Variants in MYEF2 observed in about 807,000 individuals in gnomAD.
The protein encoded by MYEF2 is myelin expression factor 2.
In MYEF2, 37 loss-of-function variants were observed where a neutral mutation model predicts 75.2. The ratio of observed to expected loss-of-function variants is 0.49; its 90% CI spans 0.38 to 0.65. The LOEUF is 0.65. Ranked by LOEUF, MYEF2 falls within the 30% of genes least tolerant of loss-of-function variation. The pLI is 0.00. For missense variants in MYEF2, 634 were observed against 771.4 expected (o/e 0.82, Z 2.11); for synonymous variants, 195 against 241.6 (o/e 0.81, Z 1.79).
chr15:48,164,464 T>C (rs1315183873), intron 5 of MYEF2, among the ~76,000 whole-genome samples: 2 of 152,336 alleles, frequency 1.3e-5, no homozygotes, highest in East Asian at 1.9e-4. Context: ...GAATATGCTA[T>C]GTACACTGTT....
chr15:48,165,299 T>C (rs1567267794), intron 5 of MYEF2, among the ~76,000 whole-genome samples: 1 of 152,156 alleles, frequency 6.6e-6, no homozygotes. Context: ...CCTATGAAGA[T>C]GAGTGCTATT....
In MYEF2 at chr15:48,140,384, GAGAA is replaced by G. The variant is rs1043571992; in HGVS notation, c.*2520_*2523del. On this transcript the variant is annotated 3_prime_UTR_variant, in exon 17 of 17. Coordinates refer to ENST00000324324, the MANE Select transcript of MYEF2 (RefSeq NM_016132.5). Reference sequence around the variant, plus strand: ...TAGTTGGCATTTTAAGAAAAAAAAAGAGAAAGAAAAAAAAGACGCTAAACCAAGT... The same window carrying G: ...TAGTTGGCATTTTAAGAAAAAAAAAGAGAAAAAAAAGACGCTAAACCAAGT... 3.6e-4 allele frequency: 55 copies of G among 151,420 alleles called. 1 individual carries two copies. Among genetic ancestry groups the G allele is most frequent in the Admixed American group, 7.2e-4 (11 of 15,204 alleles). The allele number at this position is 151,420 out of a possible 1,614,324, so 9.4% of individuals were successfully genotyped here. A position where few individuals can be genotyped will look rare whatever the true frequency, so the allele number is the denominator to read the frequency against.
At chr15:48,162,407 C>T (rs141680414) in intron 5 of MYEF2, among the ~76,000 whole-genome samples, 15 of 152,230 alleles carry the variant, frequency 9.9e-5, no homozygotes, top group African/African-American at 3.6e-4. Flanking sequence ...GCTATCATTA[C>T]TCCCATCTTA....
At chr15:48,158,631 G>T in intron 7 of MYEF2, 138 bp downstream of exon 7, 2 of 1,005,336 alleles carry the variant, frequency 2.0e-6, no homozygotes, top group Non-Finnish European at 3.0e-6. Context: ...CCTACTAAGG[G>T]TTTTATTTGC....
chr15:48,170,889 A>C (rs1265499823), intron 1 of MYEF2, among the ~76,000 whole-genome samples: 1 of 152,214 alleles, frequency 6.6e-6, no homozygotes, highest in East Asian at 1.9e-4. Context: ...TACTCATCTG[A>C]GCACAGATGT....
chr15:48,156,737 T>A (rs1206759844), intron 9 of MYEF2, among the ~76,000 whole-genome samples: 1 of 151,672 alleles, frequency 6.6e-6, no homozygotes, highest in Admixed American at 6.6e-5. Flanking sequence ...ATGAAGAAAC[T>A]AGAGCTACAT....
In MYEF2 at chr15:48,149,229, C is replaced by A; in HGVS notation, c.1521G>T (p.Ser507=). The A allele has an allele frequency of 6.2e-7, 1 of 1,613,378 alleles. No individual in the cohort carries two copies. Among genetic ancestry groups the A allele is most frequent in the Admixed American group, 1.7e-5 (1 of 59,934 alleles). Residue 507 remains serine (S), a synonymous_variant, in exon 15 of 17, where the codon TCG becomes TCT. Transcript: ENST00000324324. The surrounding 1 kb of genome is among the most constrained non-coding windows in gnomAD (Gnocchi z 4.0). ...CTCTCATTCCGCTTCCCATTGGACCCGATAAAAATCCTCGATCCATATCGA... is the reference window on the plus strand; with the variant it reads ...CTCTCATTCCGCTTCCCATTGGACCAGATAAAAATCCTCGATCCATATCGA... ...RSIDMDRGFL[S]GPMGSGMRER...
rs532724461 is a variant in MYEF2 at position 48,152,209 on chromosome 15, C to CA, written c.1138+24dup. 173 of 1,596,220 alleles carry CA rather than the reference C, an allele frequency of 1.1e-4. 1 individual carries two copies. The African/African-American group carries it at 2.2e-3, about 20-fold the overall frequency. ...TATTAAAAATGGTGATGGGTACATA[C>CA]AAAAAAACAAATCTTTATACATACC... On this transcript the variant is annotated intron_variant, in intron 11 of 16. Coordinates refer to ENST00000324324, the MANE Select transcript of MYEF2 (RefSeq NM_016132.5).
intron 16 of MYEF2, among the ~76,000 whole-genome samples, chr15:48,144,808 G>A (rs2039219181): frequency 6.6e-6 from 1 of 151,780 alleles, no homozygotes; most frequent in Non-Finnish European, 1.5e-5. Context: ...ATTTTGAAAA[G>A]AACTGTGGAG....
chr15:48,172,755 T>C (rs1038019388), intron 1 of MYEF2, among the ~76,000 whole-genome samples: 9 of 151,942 alleles, frequency 5.9e-5, no homozygotes, highest in Admixed American at 3.9e-4. Flanking sequence ...TACCAACAAA[T>C]TGGATAACTT....
chr15:48,154,657 A>C (rs1244012220), intron 9 of MYEF2, among the ~76,000 whole-genome samples: 1 of 152,150 alleles, frequency 6.6e-6, no homozygotes, highest in Non-Finnish European at 1.5e-5. Flanking sequence ...TCTTTATACA[A>C]GTTAAACTAT....
chr15:48,169,630 C>T (rs2040252623), intron 1 of MYEF2, among the ~76,000 whole-genome samples: 1 of 147,026 alleles, frequency 6.8e-6, no homozygotes, highest in Admixed American at 6.8e-5. Context: ...CGGAGTTTTG[C>T]TCTGTCACCC....
intron 5 of MYEF2, among the ~76,000 whole-genome samples, chr15:48,163,046 C>T (rs960595144): frequency 2.6e-5 from 4 of 152,130 alleles, no homozygotes; most frequent in Non-Finnish European, 4.4e-5. Context: ...GTCAAAAGTT[C>T]AGACAGGTGA....
chr15:48,144,678 A>T (rs902000220), intron 16 of MYEF2, among the ~76,000 whole-genome samples: 1 of 151,974 alleles, frequency 6.6e-6, no homozygotes, highest in Non-Finnish European at 1.5e-5. Context: ...ACATTTTAAA[A>T]CAATTTAAAG....
rs140666229 is a variant in MYEF2, at chr15:48,136,867, C to T, written c.*6041G>A. 294 of 1,613,788 alleles carry T rather than the reference C, an allele frequency of 1.8e-4. No individual in the cohort carries two copies. In the African/African-American group the frequency reaches 3.1e-3, roughly 17 times the overall value. On this transcript the variant is annotated 3_prime_UTR_variant, in exon 17 of 17. Coordinates refer to ENST00000324324, the MANE Select transcript of MYEF2 (RefSeq NM_016132.5). ...GGAAGATGAAGGTCAACCATTCATT[C>T]GTCGGCAATCAAGAACTGATAGTGG...
Position 48,151,550 on chromosome 15 carries a change from G to C in MYEF2, c.1229C>G (p.Thr410Ser), listed in dbSNP as rs779677501. ...TCCAAAATCTCGCTCCATGCTACTA[G>C]TCATCGCACCACGGTACAGCTCTGA... is the stretch of plus-strand genomic sequence containing the variant. ...RMGELYRGAM[T>S]SSMERDFGRG... Residue 410 changes from threonine (T) to serine (S), a missense_variant, in exon 13 of 17, where the codon ACT becomes AGT. Physicochemically the swap from Thr to Ser is moderately conservative, Grantham distance 58 (BLOSUM62 1). Coordinates refer to ENST00000324324, the MANE Select transcript of MYEF2 (RefSeq NM_016132.5). 1 of 1,612,416 alleles carries C rather than the reference G, an allele frequency of 6.2e-7. No homozygotes were observed. The highest frequency in any genetic ancestry group is 1.3e-5 in the African/African-American group (1 of 74,774).
chr15:48,137,173 A>G lies in MYEF2; in HGVS notation c.*5735T>C. 1 of 520,048 alleles carries G rather than the reference A, an allele frequency of 1.9e-6. No homozygotes were observed. Among genetic ancestry groups the G allele is most frequent in the Non-Finnish European group, 3.3e-6 (1 of 306,464 alleles). 32.2% of individuals were successfully genotyped at this position (520,048 alleles called of 1,614,324 possible). A position where few individuals can be genotyped will look rare whatever the true frequency, so the allele number is the denominator to read the frequency against. On this transcript the variant is annotated 3_prime_UTR_variant, in exon 17 of 17. Transcript: ENST00000324324. ...AGTATGAACGTTAAGTACCATAAAAAGAGAAAAATAAAGTGTGACTGTGGT... is the reference window on the plus strand; with the variant it reads ...AGTATGAACGTTAAGTACCATAAAAGGAGAAAAATAAAGTGTGACTGTGGT...
intron 7 of MYEF2, 119 bp from the exon 8 acceptor site, chr15:48,158,343 C>T (rs1395074470): frequency 4.5e-6 from 4 of 882,460 alleles, no homozygotes; most frequent in Non-Finnish European, 5.2e-6. Context: ...ATCTTTAATA[C>T]TTATTGATAT....
Position 48,146,642 on chromosome 15 carries a change from G to A in MYEF2, c.1639+2390C>T, listed in dbSNP as rs148760639. ...TTACTGACAGATATTGTTTATGGGA[G>A]ATGCAAGGAGTACTACTAGATTCTT... On this transcript the variant is annotated intron_variant, in intron 16 of 16. Transcript: ENST00000324324. Among the ~76,000 whole-genome samples, 750 of 152,060 alleles carry A rather than the reference G, an allele frequency of 4.9e-3. 7 individuals carry two copies. Among genetic ancestry groups the A allele is most frequent in the Non-Finnish European group, 7.8e-3 (532 of 67,890 alleles).
Sources: gnomAD v4.1 joint callset for allele counts (sites outside exome capture counted in the v4.1 genomes callset) on GRCh38, gnomAD v4.1.1 for gene constraint, Gnocchi (gnomAD v3.1) non-coding constraint, MANE v1.5 for transcripts, NCBI Gene and HGNC (gene_info 2026-07-23, HGNC 2026-07-21) for gene names.